Variants in ETS1 observed in about 807,000 individuals in gnomAD.
ETS1 encodes the protein protein C-ets-1.
In ETS1, 15 loss-of-function variants were observed where a neutral mutation model predicts 58.6. The ratio of observed to expected loss-of-function variants is 0.26; its 90% CI spans 0.17 to 0.39. The LOEUF (loss-of-function observed/expected upper bound fraction) is 0.39, where lower values mean the gene tolerates loss of function less well. ETS1 is among the 10% of genes least tolerant of loss of function. The pLI is 1.00. For synonymous variants in ETS1, 214 were observed against 218.2 expected (o/e 0.98, Z 0.17); for missense variants, 417 against 610.5 (o/e 0.68, Z 3.34).
intron 2 of ETS1, among the ~76,000 whole-genome samples, chr11:128,565,101 CA>C (rs1336602923): frequency 6.6e-6 from 1 of 151,488 alleles, no homozygotes; most frequent in Non-Finnish European, 1.5e-5. Context: ...TGTGTTCCCC[CA>C]AATTTAGAAG....
chr11:128,579,674 A>G (rs1483788764), intron 1 of ETS1, among the ~76,000 whole-genome samples: 36 of 151,992 alleles, frequency 2.4e-4, no homozygotes, highest in Non-Finnish European at 4.4e-4. Context: ...AAAAAAAAAA[A>G]AAAGAATTTG....
At chr11:128,475,292 G>T (rs1017822889) in intron 8 of ETS1, among the ~76,000 whole-genome samples, 19 of 152,212 alleles carry the variant, frequency 1.2e-4, no homozygotes, top group Non-Finnish European at 2.6e-4. Context: ...CAAATCTCAG[G>T]TTTCATTCTG....
chr11:128,549,614 C>T lies in ETS1; in HGVS notation c.214+6677G>A, dbSNP rs1864197773. On this transcript the variant is annotated intron_variant, in intron 3 of 9. Transcript: ENST00000392668. This position sits in a 1 kb window ranked among gnomAD's most constrained non-coding sequence, Gnocchi z 4.3. The stretch of plus-strand genomic sequence containing the variant: ...AGAAGCTGCGAGTTCGAGGGCGGGC[C>T]GGCGGAAGGCTTGCCTTTCCACTGT... 6.6e-6 allele frequency among the ~76,000 whole-genome samples: 1 copy of T among 152,188 alleles called. No homozygotes were observed. The highest frequency in any genetic ancestry group is 1.5e-5 in the Non-Finnish European group (1 of 68,022).
At chr11:128,482,225 GCCTACAA>G (rs1055425075) in intron 7 of ETS1, among the ~76,000 whole-genome samples, 1 of 152,098 alleles carries the variant, frequency 6.6e-6, no homozygotes, top group African/African-American at 2.4e-5. Context: ...TAAGAAAACA[GCCTACAA>G]CCAGAATGTC....
chr11:128,572,049 G>GCC (rs1157245413), intron 2 of ETS1: 27 of 150,832 alleles, frequency 1.8e-4, no homozygotes, highest in African/African-American at 6.3e-4. Context: ...CTCAAAGAAA[G>GCC]ATCACTTGAG....
intron 1 of ETS1, among the ~76,000 whole-genome samples, chr11:128,583,475 A>T (rs564207919): frequency 6.6e-6 from 1 of 152,330 alleles, no homozygotes; most frequent in East Asian, 1.9e-4. Flanking sequence ...AGTCATTTGG[A>T]TTAAGGATTA....
intron 3 of ETS1, among the ~76,000 whole-genome samples, chr11:128,504,188 G>A (rs539742031): frequency 2.6e-5 from 4 of 152,096 alleles, no homozygotes; most frequent in African/African-American, 9.7e-5. Context: ...CCTATCATAC[G>A]AGCCTACTCC....
chr11:128,551,395 G>C (rs543378074), intron 3 of ETS1, among the ~76,000 whole-genome samples: 1 of 152,322 alleles, frequency 6.6e-6, no homozygotes, highest in African/African-American at 2.4e-5. Flanking sequence ...AGCCCCAGGA[G>C]GGACTATGAA....
chr11:128,498,602 T>C (rs1017783891), intron 3 of ETS1, among the ~76,000 whole-genome samples: 4 of 152,218 alleles, frequency 2.6e-5, no homozygotes, highest in Non-Finnish European at 2.9e-5. Flanking sequence ...AGAATCAATA[T>C]GGCACAAAGC....
intron 6 of ETS1, among the ~76,000 whole-genome samples, chr11:128,485,330 G>T (rs572097200): frequency 6.6e-6 from 1 of 152,254 alleles, no homozygotes; most frequent in African/African-American, 2.4e-5. Context: ...GCACTGTGAT[G>T]AAGATGAAAT....
chr11:128,533,436 CAG>C (rs1863929308), intron 3 of ETS1, among the ~76,000 whole-genome samples: 1 of 152,178 alleles, frequency 6.6e-6, no homozygotes, highest in Admixed American at 6.5e-5. Flanking sequence ...CACCGCCAAA[CAG>C]ATAAAATCCA....
At chr11:128,575,451 T>C (rs1864725728) in intron 1 of ETS1, among the ~76,000 whole-genome samples, 1 of 152,226 alleles carries the variant, frequency 6.6e-6, no homozygotes, top group South Asian at 2.1e-4. Flanking sequence ...AATCATGTAA[T>C]AGGCGTCCTT....
At chr11:128,466,994 T>A (rs934156016) in intron 8 of ETS1, among the ~76,000 whole-genome samples, 1 of 152,080 alleles carries the variant, frequency 6.6e-6, no homozygotes, top group African/African-American at 2.4e-5. Context: ...GGGCTCACCC[T>A]TCAGAAAGCC....
At position 128,585,049 on chromosome 11, in the gene ETS1, AAAGAAAG is replaced by A. The variant is rs1565421229; in HGVS notation, c.-15+2432_-15+2438del. ...AAAGAAAGAAAAGAAAGAAAGAAAG[AAAGAAAG>A]AAAGAAAGAAAGAAAGAAAGAGAAA... On this transcript the variant is annotated intron_variant, in intron 1 of 9. Transcript: ENST00000392668. Among the ~76,000 whole-genome samples, 3 of 26,106 alleles carry A rather than the reference AAAGAAAG, an allele frequency of 1.1e-4. No homozygotes were observed. The African/African-American group carries it at 1.2e-3, about 10-fold the overall frequency. 17.1% of individuals were successfully genotyped at this position (26,106 alleles called of 152,430 possible).
chr11:128,508,142 A>G (rs559507432), intron 3 of ETS1, among the ~76,000 whole-genome samples: 1 of 152,332 alleles, frequency 6.6e-6, no homozygotes, highest in South Asian at 2.1e-4. Context: ...GGAGGTGTCA[A>G]GTGGAAAATT....
At chr11:128,550,703 C>T (rs1864215561) in intron 3 of ETS1, among the ~76,000 whole-genome samples, 1 of 152,184 alleles carries the variant, frequency 6.6e-6, no homozygotes, top group Non-Finnish European at 1.5e-5. Context: ...AGGGTTACAG[C>T]TTGCTCCTCC....
At chr11:128,565,373 C>T (rs1187573233) in intron 2 of ETS1, among the ~76,000 whole-genome samples, 1 of 152,228 alleles carries the variant, frequency 6.6e-6, no homozygotes, top group South Asian at 2.1e-4. Flanking sequence ...TGATCTTGAA[C>T]ATTCCAGCAT....
At chr11:128,565,131 A>C (rs1326985267) in intron 2 of ETS1, among the ~76,000 whole-genome samples, 1 of 152,088 alleles carries the variant, frequency 6.6e-6, no homozygotes, top group Non-Finnish European at 1.5e-5. Context: ...TAAAACACCA[A>C]TGTGATAATA....
intron 2 of ETS1, among the ~76,000 whole-genome samples, chr11:128,571,517 A>G (rs1196443589): frequency 0.011 from 466 of 43,638 alleles, 93 homozygotes; most frequent in African/African-American, 0.045. Context: ...AAAAAAAAAA[A>G]AAAAAAAAAA....
Sources: gnomAD v4.1 joint callset for allele counts (sites outside exome capture counted in the v4.1 genomes callset) on GRCh38, gnomAD v4.1.1 for gene constraint, Gnocchi (gnomAD v3.1) non-coding constraint, MANE v1.5 for transcripts, NCBI Gene and HGNC (gene_info 2026-07-23, HGNC 2026-07-21) for gene names.